The following SLC24A2 variants were observed in gnomAD, a reference collection of about 807,000 sequenced individuals.
SLC24A2 encodes the protein solute carrier family 24 member 2, also known as sodium/potassium/calcium exchanger 2.
SLC24A2 carries 36 observed loss-of-function variants against 62.0 expected under a neutral mutation model. The ratio of observed to expected loss-of-function variants is 0.58; its 90% CI spans 0.44 to 0.77. The LOEUF (loss-of-function observed/expected upper bound fraction) is 0.77. SLC24A2 is among the 30% of genes least tolerant of loss of function. The pLI is 0.00. For missense variants in SLC24A2, 846 were observed against 817.9 expected (o/e 1.03, Z -0.42); for synonymous variants, 358 against 294.0 (o/e 1.22, Z -2.23).
At chr9:19,528,023 G>GAGGC (rs1394890271) in intron 9 of SLC24A2, 26 bp downstream of exon 9, 3 of 1,383,898 alleles carry the variant, frequency 2.2e-6, no homozygotes, top group Non-Finnish European at 3.0e-6. Flanking sequence ...AAACAAGGCA[G>GAGGC]AGGCATGTCA....
At chr9:19,517,170 T>C (rs969005595) in intron 10 of SLC24A2, among the ~76,000 whole-genome samples, 8 of 152,206 alleles carry the variant, frequency 5.3e-5, no homozygotes, top group African/African-American at 1.9e-4. Context: ...TAGTTTCCAC[T>C]ACACCACAAG....
At chr9:19,651,508 C>T (rs1297082032) in intron 2 of SLC24A2, among the ~76,000 whole-genome samples, 1 of 152,210 alleles carries the variant, frequency 6.6e-6, no homozygotes, top group Non-Finnish European at 1.5e-5. Context: ...AAAAACATGA[C>T]ATTAGACAGC....
chr9:20,075,695 A>T, the SLC24A2 span, among the ~76,000 whole-genome samples: 2 of 85,788 alleles, frequency 2.3e-5, no homozygotes, highest in African/African-American at 1.2e-4. Flanking sequence ...TGCTTGAACA[A>T]TCAGGGGGGG....
the SLC24A2 span, among the ~76,000 whole-genome samples, chr9:19,827,652 C>T: frequency 1.2e-4 from 19 of 152,046 alleles, no homozygotes; most frequent in African/African-American, 4.3e-4. Context: ...TACCTCCCTC[C>T]CTCATTCTGC....
At chr9:19,740,932 T>C (rs1821657358) in intron 2 of SLC24A2, among the ~76,000 whole-genome samples, 1 of 151,542 alleles carries the variant, frequency 6.6e-6, no homozygotes, top group South Asian at 2.1e-4. Flanking sequence ...CTCATCATGG[T>C]TTTTACTGGC....
At chr9:19,894,129 A>G in the SLC24A2 span, among the ~76,000 whole-genome samples, 1 of 152,178 alleles carries the variant, frequency 6.6e-6, no homozygotes, top group Non-Finnish European at 1.5e-5. Flanking sequence ...GAAGGGGAAA[A>G]GGGATGTTGA....
chr9:19,809,262 C>T, the SLC24A2 span, among the ~76,000 whole-genome samples: 1,998 of 151,790 alleles, frequency 0.013, 40 homozygotes, highest in East Asian at 0.077. Flanking sequence ...TTAGAAAAAG[C>T]AAAAGAAAAC....
chr9:19,727,920 T>C (rs79686662), intron 2 of SLC24A2, among the ~76,000 whole-genome samples: 3,177 of 152,246 alleles, frequency 0.021, 123 homozygotes, highest in African/African-American at 0.072. Flanking sequence ...GGTATATCCC[T>C]AAAAGTTCAT....
At chr9:19,709,502 A>G (rs1820646783) in intron 2 of SLC24A2, among the ~76,000 whole-genome samples, 1 of 152,038 alleles carries the variant, frequency 6.6e-6, no homozygotes, top group Admixed American at 6.5e-5. Flanking sequence ...CTTGGAACCA[A>G]CCCAAATGTC....
At chr9:19,983,324 G>C in the SLC24A2 span, among the ~76,000 whole-genome samples, 1 of 152,130 alleles carries the variant, frequency 6.6e-6, no homozygotes, top group African/African-American at 2.4e-5. Flanking sequence ...CTTCAGCTAA[G>C]TTGCAGGATA....
intron 4 of SLC24A2, among the ~76,000 whole-genome samples, chr9:19,615,783 G>A (rs1170809462): frequency 6.6e-6 from 1 of 152,136 alleles, no homozygotes; most frequent in Non-Finnish European, 1.5e-5. Context: ...AGCTCCACAA[G>A]GGCCAGGCGT....
the SLC24A2 span, among the ~76,000 whole-genome samples, chr9:20,031,147 T>TAC: frequency 2.0e-5 from 3 of 151,632 alleles, no homozygotes; most frequent in African/African-American, 7.3e-5. Flanking sequence ...TATATATGTA[T>TAC]ACACACACAT....
At chr9:20,065,354 C>A in the SLC24A2 span, among the ~76,000 whole-genome samples, 1 of 152,198 alleles carries the variant, frequency 6.6e-6, no homozygotes, top group African/African-American at 2.4e-5. Context: ...AGGTTCCCAT[C>A]TCATCCAGAC....
At chr9:19,657,452 A>G (rs10757086) in intron 2 of SLC24A2, among the ~76,000 whole-genome samples, 126,161 of 152,020 alleles carry the variant, frequency 0.83, 52,366 homozygotes, top group South Asian at 0.91. Context: ...ATAGACATGT[A>G]CCATGGTGGT....
intron 2 of SLC24A2, among the ~76,000 whole-genome samples, chr9:19,782,067 A>G (rs1320963642): frequency 6.6e-6 from 1 of 152,126 alleles, no homozygotes; most frequent in Non-Finnish European, 1.5e-5. Flanking sequence ...TCCAGCTTTA[A>G]GCATCTTTAT....
the SLC24A2 span, among the ~76,000 whole-genome samples, chr9:19,879,722 C>T: frequency 6.6e-6 from 1 of 152,074 alleles, no homozygotes; most frequent in Non-Finnish European, 1.5e-5. Flanking sequence ...CCCTCCTCCC[C>T]CTAAGAAGTA....
intron 2 of SLC24A2, among the ~76,000 whole-genome samples, chr9:19,654,951 A>G (rs1818903934): frequency 1.3e-5 from 2 of 152,230 alleles, no homozygotes; most frequent in African/African-American, 4.8e-5. Context: ...TCTCAGGTCC[A>G]AGCTCAAAAA....
At chr9:19,671,171 TCATC>T (rs1359074542) in intron 2 of SLC24A2, among the ~76,000 whole-genome samples, 1 of 126,456 alleles carries the variant, frequency 7.9e-6, no homozygotes, top group African/African-American at 2.6e-5. Context: ...TTGATTCTAC[TCATC>T]CATGAGCATG....
At chr9:20,229,369 G>A in the SLC24A2 span, among the ~76,000 whole-genome samples, 4 of 152,242 alleles carry the variant, frequency 2.6e-5, no homozygotes, top group East Asian at 5.8e-4. Flanking sequence ...AGTTTTTGAA[G>A]AAGGAGTGAA....
Sources: allele counts gnomAD v4.1 joint callset (sites outside exome capture counted in the v4.1 genomes callset), GRCh38; gene constraint gnomAD v4.1.1; transcripts MANE v1.5; gene names NCBI Gene and HGNC (gene_info 2026-07-23, HGNC 2026-07-21).